Variants in HGFAC observed in about 807,000 individuals in gnomAD.
The protein encoded by HGFAC is hepatocyte growth factor activator serine protease.
HGFAC carries 76 observed loss-of-function variants against 70.6 expected under a neutral mutation model. The observed-to-expected ratio is 1.08, with a 90% CI of 0.89 to 1.30. HGFAC has a LOEUF of 1.30. Among genes scored for constraint, HGFAC ranks in the 50% most tolerant of loss-of-function variants. The pLI is 0.00. For synonymous variants in HGFAC, 464 were observed against 405.3 expected, an observed-to-expected ratio of 1.14 and a Z score of -1.74; for missense variants, 1,044 against 933.7, an observed-to-expected ratio of 1.12 and a Z score of -1.54.
In HGFAC at chr4:3,444,952, C is replaced by T. The variant is rs755531367; in HGVS notation, c.975C>T (p.Gly325=). The part of the protein sequence containing the change: ...LYQELHVDSV[G]AAALLGLGPH... ...AGGAGCTGCACGTGGACTCCGTGGG[C>T]GCCGCGGCCCTGCTGGGCCTGGGCC... is the stretch of plus-strand genomic sequence containing the variant. Residue 325 remains glycine (G), a synonymous_variant, in exon 8 of 14, where the codon GGC becomes GGT. Transcript: ENST00000382774. 36 of 1,606,390 alleles carry T rather than the reference C, an allele frequency of 2.2e-5. 2 individuals are homozygous for T. The highest frequency in any genetic ancestry group is 1.5e-4 in the Admixed American group (9 of 59,494).
upstream of HGFAC, chr4:3,441,877 T>C (rs935425842): frequency 2.2e-5 from 12 of 551,440 alleles, no homozygotes; most frequent in African/African-American, 2.0e-4. The surrounding 1 kb of genome is among the most constrained non-coding windows in gnomAD (Gnocchi z 6.0). Context: ...GGGGACTTCC[T>C]CTCCGGCTGG....
intron 13 of HGFAC, among the ~76,000 whole-genome samples, chr4:3,448,807 C>T (rs187089518): frequency 1.6e-4 from 24 of 151,660 alleles, no homozygotes; most frequent in Admixed American, 1.4e-3. Context: ...TCTTCCAAGG[C>T]CACAAAGCCC....
At chr4:3,447,803 C>T in intron 11 of HGFAC, 92 bp from the exon 12 acceptor site, 1 of 1,549,994 alleles carries the variant, frequency 6.5e-7, no homozygotes, top group Admixed American at 1.7e-5. Flanking sequence ...GCCCTGTGGA[C>T]CCCACTGGCT....
Position 3,449,272 on chromosome 4 carries a change from C to T in HGFAC, c.1821C>T (p.Asn607=), listed in dbSNP as rs138871695. 2,440 of 1,612,448 alleles carry T rather than the reference C, an allele frequency of 1.5e-3. 2 individuals carry two copies. Among genetic ancestry groups the T allele is most frequent in the East Asian group, 2.5e-3 (114 of 44,828 alleles). ...DSGGPLACEK[N]GVAYLYGIIS... is the part of the protein sequence containing the mutation. The stretch of plus-strand genomic sequence containing the variant: ...GGGGGCCCCTGGCCTGCGAGAAGAA[C>T]GGCGTGGCTTACCTCTACGGCATCA... Residue 607 remains asparagine, a synonymous_variant, in exon 14 of 14, where the codon AAC becomes AAT. Coordinates refer to ENST00000382774, the MANE Select transcript of HGFAC (RefSeq NM_001528.4).
intron 3 of HGFAC, 76 bp from the exon 4 acceptor site, chr4:3,443,265 G>C: frequency 8.0e-7 from 1 of 1,249,408 alleles, no homozygotes; most frequent in Non-Finnish European, 1.1e-6. Flanking sequence ...AGTGAACCCA[G>C]AGACCCTCCA....
intron 3 of HGFAC, 84 bp downstream of exon 3, chr4:3,443,230 C>G: frequency 7.6e-7 from 1 of 1,308,904 alleles, no homozygotes; most frequent in South Asian, 1.5e-5. Context: ...ACACAGTAGG[C>G]GCTCACCACG....
Position 3,443,150 on chromosome 4 carries a change from G to T in HGFAC, c.395+4G>T. On this transcript the variant is annotated splice_donor_region_variant and intron_variant, in intron 3 of 13. Transcript: ENST00000382774. ...AGGGCAGTGCACACAGGAAGTGGTGGGTCCGGGCAGCCGGGGCACCCGAGC... is the reference window on the plus strand; with the variant it reads ...AGGGCAGTGCACACAGGAAGTGGTGTGTCCGGGCAGCCGGGGCACCCGAGC... The T allele has an allele frequency of 6.6e-7, 1 of 1,523,092 alleles. No homozygotes were observed. The highest frequency in any genetic ancestry group is 8.8e-7 in the Non-Finnish European group (1 of 1,138,240). The allele number at this position is 1,523,092 out of a possible 1,614,324, so 94.3% of individuals were successfully genotyped here. A position where few individuals can be genotyped will look rare whatever the true frequency, so the allele number is the denominator to read the frequency against.
chr4:3,442,478 G>A (rs546324090), intron 1 of HGFAC, among the ~76,000 whole-genome samples: 66 of 152,266 alleles, frequency 4.3e-4, no homozygotes, highest in African/African-American at 1.5e-3. Context: ...AAAAACTGAC[G>A]TCAGGGTTTA....
chr4:3,444,051 C>T lies in HGFAC; in HGVS notation c.488C>T (p.Pro163Leu), dbSNP rs745346183. The T allele has an allele frequency of 1.9e-6, 3 of 1,596,156 alleles. No homozygotes were observed. The highest frequency in any genetic ancestry group is 1.7e-6 in the Non-Finnish European group (2 of 1,172,160). The change falls in exon 5 of 14, where the codon CCC (proline) becomes CTC (leucine). Residue 163 changes from proline to leucine, a missense_variant. Transcript: ENST00000382774. The part of the protein sequence containing the change: ...PPPGGPAALD[P>L]CASGPCLNGG... ...CGCATGTCCCCAGCTGCCCTGGATCCCTGTGCCTCCGGCCCCTGCCTCAAT... is the reference window on the plus strand; with the variant it reads ...CGCATGTCCCCAGCTGCCCTGGATCTCTGTGCCTCCGGCCCCTGCCTCAAT...
Position 3,447,571 on chromosome 4 carries a change from A to T in HGFAC, c.1435A>T (p.Ile479Phe). 1 of 1,612,710 alleles carries T rather than the reference A, an allele frequency of 6.2e-7. No homozygotes were observed. Among genetic ancestry groups the T allele is most frequent in the Non-Finnish European group, 8.5e-7 (1 of 1,179,912 alleles). The change falls in exon 11 of 14, where the codon ATC becomes TTC. Residue 479 changes from isoleucine to phenylalanine, a missense_variant. Coordinates refer to ENST00000382774, the MANE Select transcript of HGFAC (RefSeq NM_001528.4). ...RTTDVTQTFG[I>F]EKYIPYTLYS... Reference sequence around the variant, plus strand: ...GACGGACGTGACGCAGACCTTCGGCATCGAGAAGTACATCCCGTACACCCT... The same window carrying T: ...GACGGACGTGACGCAGACCTTCGGCTTCGAGAAGTACATCCCGTACACCCT...
In HGFAC at chr4:3,442,034, G is replaced by A. The variant is rs1205382957; in HGVS notation, c.33G>A (p.Trp11Ter). The change falls in exon 1 of 14, where the codon TGG becomes TGA. Residue 11 changes from tryptophan (W) to a stop codon, truncating the protein, a stop_gained. Transcript: ENST00000382774. LOFTEE classifies it high-confidence loss of function. ...GCTGGGCCTGGGTCCCCAGCCCCTG[G>A]CCCCCACCGGGGCTGGGCCCCTTCC... MGRWAWVPSPWPPPGLGPFLL... is the reference protein window; with the variant it reads MGRWAWVPSP The A allele has an allele frequency of 1.3e-6, 2 of 1,524,448 alleles. No homozygotes were observed. Among genetic ancestry groups the A allele is most frequent in the Non-Finnish European group, 8.7e-7 (1 of 1,152,916 alleles). The allele number at this position is 1,524,448 out of a possible 1,614,324, so 94.4% of individuals were successfully genotyped here.
chr4:3,443,148 T>C lies in HGFAC; in HGVS notation c.395+2T>C. 1 of 1,532,114 alleles carries C rather than the reference T, an allele frequency of 6.5e-7. No individual in the cohort carries two copies. The highest frequency in any genetic ancestry group is 8.7e-7 in the Non-Finnish European group (1 of 1,143,260). 94.9% of individuals were successfully genotyped at this position (1,532,114 alleles called of 1,614,324 possible). Reference sequence around the variant, plus strand: ...GGAGGGCAGTGCACACAGGAAGTGGTGGGTCCGGGCAGCCGGGGCACCCGA... The same window carrying C: ...GGAGGGCAGTGCACACAGGAAGTGGCGGGTCCGGGCAGCCGGGGCACCCGA... On this transcript the variant is annotated splice_donor_variant, in intron 3 of 13. Coordinates refer to ENST00000382774, the MANE Select transcript of HGFAC (RefSeq NM_001528.4). LOFTEE classifies it high-confidence loss of function.
chr4:3,449,236 G>C lies in HGFAC; in HGVS notation c.1786-1G>C. ...TGGCTCTGACCAACGTCTCTGCCCA[G>C]GGGGACTCAGGGGGGCCCCTGGCCT... On this transcript the variant is annotated splice_acceptor_variant, in intron 13 of 13. Transcript: ENST00000382774. LOFTEE classifies it high-confidence loss of function. The C allele has an allele frequency of 6.2e-7, 1 of 1,611,366 alleles. No individual in the cohort carries two copies. The highest frequency in any genetic ancestry group is 1.3e-5 in the African/African-American group (1 of 74,980).
chr4:3,441,941 C>G, upstream of HGFAC: 1 of 965,998 alleles, frequency 1.0e-6, no homozygotes, highest in Middle Eastern at 3.3e-4. This position sits in a 1 kb window ranked among gnomAD's most constrained non-coding sequence, Gnocchi z 6.0. Context: ...AAGCCTTGAC[C>G]CCACCTGCCT....
At chr4:3,443,275 AG>A in intron 3 of HGFAC, 65 bp from the exon 4 acceptor site, 1 of 936,754 alleles carries the variant, frequency 1.1e-6, no homozygotes, top group Non-Finnish European at 1.5e-6. Context: ...GAGACCCTCC[AG>A]GGTGGTGGGG....
rs769202803 is a variant in HGFAC, at chr4:3,443,161, C to T, written c.395+15C>T. The T allele has an allele frequency of 2.0e-6, 3 of 1,495,204 alleles. No individual in the cohort carries two copies. The highest frequency in any genetic ancestry group is 4.3e-5 in the Admixed American group (2 of 46,650). The allele number at this position is 1,495,204 out of a possible 1,614,324, so 92.6% of individuals were successfully genotyped here. ...CACAGGAAGTGGTGGGTCCGGGCAG[C>T]CGGGGCACCCGAGCTGGGGTCACCT... On this transcript the variant is annotated intron_variant, in intron 3 of 13. Coordinates refer to ENST00000382774, the MANE Select transcript of HGFAC (RefSeq NM_001528.4).
chr4:3,445,202 C>T (rs1313945524), intron 8 of HGFAC, 63 bp from the exon 9 acceptor site: 19 of 1,418,358 alleles, frequency 1.3e-5, no homozygotes, highest in Non-Finnish European at 1.6e-5. Context: ...TCCGATGCCC[C>T]CTCCCCATGC....
chr4:3,447,542 G>T lies in HGFAC; in HGVS notation c.1406G>T (p.Arg469Leu). 6.2e-7 allele frequency: 1 copy of T among 1,612,656 alleles called. No individual in the cohort carries two copies. The highest frequency in any genetic ancestry group is 8.5e-7 in the Non-Finnish European group (1 of 1,179,884). The change falls in exon 11 of 14, where the codon CGC becomes CTC. Residue 469 changes from arginine to leucine, a missense_variant. By Grantham distance (102) the Arg-to-Leu change is moderately radical (BLOSUM62 -2). Coordinates refer to ENST00000382774, the MANE Select transcript of HGFAC (RefSeq NM_001528.4). ...SVVLGQHFFN[R>L]TTDVTQTFGI... ...GTGCTGGGCCAGCACTTCTTCAACC[G>T]CACGACGGACGTGACGCAGACCTTC...
At chr4:3,446,334 C>A in intron 10 of HGFAC, 40 bp downstream of exon 10, 1 of 1,584,184 alleles carries the variant, frequency 6.3e-7, no homozygotes, top group Non-Finnish European at 8.6e-7. Flanking sequence ...CCCTGAGGCC[C>A]CACACACCAT....
Sources: allele counts gnomAD v4.1 joint callset (sites outside exome capture counted in the v4.1 genomes callset), GRCh38; gene constraint gnomAD v4.1.1; non-coding constraint Gnocchi (gnomAD v3.1); transcripts MANE v1.5; gene names NCBI Gene and HGNC (gene_info 2026-07-23, HGNC 2026-07-21).